QSOX2: variants seen among roughly 807,000 people sequenced by gnomAD.
The protein encoded by QSOX2 is sulfhydryl oxidase 2.
QSOX2 carries 46 observed loss-of-function variants against 61.7 expected under a neutral mutation model. The observed-to-expected ratio is 0.75, with a 90% CI of 0.59 to 0.95. The LOEUF is 0.95. Ranked by LOEUF, QSOX2 falls within the 40% of genes least tolerant of loss-of-function variation. The probability of loss-of-function intolerance (pLI) is 0.00; values close to 1 mark genes in which losing one functional copy is unlikely to be tolerated. For missense variants in QSOX2, 879 were observed against 918.9 expected (o/e 0.96, Z 0.56); for synonymous variants, 383 against 388.4 (o/e 0.99, Z 0.16).
intron 6 of QSOX2, among the ~76,000 whole-genome samples, chr9:136,220,581 G>A (rs1831968516): frequency 6.6e-6 from 1 of 152,166 alleles, no homozygotes; most frequent in Admixed American, 6.5e-5. Context: ...CCAGGGGAAG[G>A]GGCCACCCAG....
intron 10 of QSOX2, among the ~76,000 whole-genome samples, chr9:136,214,000 A>G (rs1336140791): frequency 6.6e-6 from 1 of 152,228 alleles, no homozygotes; most frequent in African/African-American, 2.4e-5. Context: ...CCAGCATTTT[A>G]GGTTAGTTTG....
chr9:136,225,298 C>T (rs1830268933), intron 2 of QSOX2, among the ~76,000 whole-genome samples: 1 of 152,188 alleles, frequency 6.6e-6, no homozygotes, highest in Non-Finnish European at 1.5e-5. Flanking sequence ...GAGGAGACAC[C>T]ACGCAGTATC....
In QSOX2 at chr9:136,219,073, T is replaced by G; in HGVS notation, c.913A>C (p.Lys305Gln). 1 of 1,614,116 alleles carries G rather than the reference T, an allele frequency of 6.2e-7. No individual in the cohort carries two copies. The highest frequency in any genetic ancestry group is 1.1e-5 in the South Asian group (1 of 91,082). Residue 305 changes from lysine (K) to glutamine (Q), a missense_variant, in exon 7 of 12, where the codon AAA becomes CAA. Physicochemically the swap from Lys to Gln is moderately conservative, Grantham distance 53. Coordinates refer to ENST00000358701, the MANE Select transcript of QSOX2 (RefSeq NM_181701.4). ...ACCACGATTTCTGAATTTTCTTCTT[T>G]GTGTGGCTTTTCAGGCAAGGGAAGC... Reference protein sequence around the residue: ...KSLPLPEKPHKEENSEIVVWR... With the variant: ...KSLPLPEKPHQEENSEIVVWR...
Position 136,208,899 on chromosome 9 carries a change from G to T in QSOX2, c.1926C>A (p.His642Gln). The T allele has an allele frequency of 6.2e-7, 1 of 1,613,986 alleles. No homozygotes were observed. Among genetic ancestry groups the T allele is most frequent in the Non-Finnish European group, 8.5e-7 (1 of 1,180,026 alleles). Reference protein sequence around the residue: ...KLQSLDGPGAHKEVGGAAPFL... With the variant: ...KLQSLDGPGAQKEVGGAAPFL... The stretch of plus-strand genomic sequence containing the variant: ...AGGGTGCGGCCCCGCCCACCTCCTT[G>T]TGGGCCCCGGGCCCATCCAGACTCT... The change falls in exon 12 of 12, where the codon CAC becomes CAA. Residue 642 changes from histidine (H) to glutamine (Q), a missense_variant. By Grantham distance (24) the His-to-Gln change is conservative. Coordinates refer to ENST00000358701, the MANE Select transcript of QSOX2 (RefSeq NM_181701.4).
chr9:136,209,333 C>A lies in QSOX2; in HGVS notation c.1550-58G>T. 1.3e-6 allele frequency: 2 copies of A among 1,564,488 alleles called. No individual in the cohort carries two copies. Among genetic ancestry groups the A allele is most frequent in the Non-Finnish European group, 8.7e-7 (1 of 1,153,118 alleles). ...GAAGGAGGCTTTGTGCAGCCACGTG[C>A]AGCGTGCGGCAACCGGACTCCCACT... On this transcript the variant is annotated intron_variant, in intron 11 of 11. Transcript: ENST00000358701. The surrounding 1 kb of genome is among the most constrained non-coding windows in gnomAD (Gnocchi z 5.6).
chr9:136,208,573 TA>T lies in QSOX2; in HGVS notation c.*154del. The T allele has an allele frequency of 1.2e-6, 1 of 840,142 alleles. No individual in the cohort carries two copies. Among genetic ancestry groups the T allele is most frequent in the Non-Finnish European group, 1.8e-6 (1 of 570,098 alleles). 52.0% of individuals were successfully genotyped at this position (840,142 alleles called of 1,614,324 possible). On this transcript the variant is annotated 3_prime_UTR_variant, in exon 12 of 12. Transcript: ENST00000358701. ...TCTTCCCTTGTTAGAAGAGCGTTTG[TA>T]AAACCAGGACTTTGAAGCCAAAAGG... is the stretch of plus-strand genomic sequence containing the variant.
At position 136,208,868 on chromosome 9, in the gene QSOX2, C is replaced by T. The variant is rs761441281; in HGVS notation, c.1957G>A (p.Gly653Arg). Residue 653 changes from glycine to arginine, a missense_variant, in exon 12 of 12, where the codon GGG (glycine) becomes AGG (arginine). Physicochemically the swap from Gly to Arg is moderately radical, Grantham distance 125 (BLOSUM62 -2). Coordinates refer to ENST00000358701, the MANE Select transcript of QSOX2 (RefSeq NM_181701.4). ...ATGTCCAGGCTGGAGAAGTCAACCC[C>T]GAGGAAGGGTGCGGCCCCGCCCACC... is the stretch of plus-strand genomic sequence containing the variant. ...KEVGGAAPFL[G>R]VDFSSLDMSL... The T allele has an allele frequency of 6.6e-5, 106 of 1,613,890 alleles. No individual in the cohort carries two copies. Among genetic ancestry groups the T allele is most frequent in the Admixed American group, 3.7e-4 (22 of 59,998 alleles).
At chr9:136,230,374 C>T (rs1830319304) in intron 1 of QSOX2, among the ~76,000 whole-genome samples, 1 of 152,204 alleles carries the variant, frequency 6.6e-6, no homozygotes, top group Admixed American at 6.5e-5. Context: ...GCTGTCAGCC[C>T]TGCAGTAAAC....
chr9:136,219,541 C>A (rs1045085782), intron 6 of QSOX2, among the ~76,000 whole-genome samples: 13 of 152,340 alleles, frequency 8.5e-5, no homozygotes, highest in African/African-American at 2.6e-4. Context: ...AATCTGCCAG[C>A]CCTGAGTGAG....
At chr9:136,215,367 G>C in intron 9 of QSOX2, 63 bp from the exon 10 acceptor site, 2 of 1,299,982 alleles carry the variant, frequency 1.5e-6, no homozygotes, top group East Asian at 4.4e-5. Context: ...ATTAAAAACA[G>C]TCGACAGCTG....
At chr9:136,233,459 C>A (rs946564898) in intron 1 of QSOX2, among the ~76,000 whole-genome samples, 1 of 152,208 alleles carries the variant, frequency 6.6e-6, no homozygotes, top group African/African-American at 2.4e-5. Flanking sequence ...TCAGGACGGC[C>A]AACACGGTGG....
At chr9:136,210,468 G>A (rs1263989586) in intron 11 of QSOX2, 1 of 985,408 alleles carries the variant, frequency 1.0e-6, no homozygotes, top group East Asian at 1.1e-4. Flanking sequence ...AGAGCCGAGG[G>A]CTCGGGGAAA....
rs1687627255 is a variant in QSOX2, at chr9:136,206,755, AC to A, written c.*1972del. 6.6e-6 allele frequency: 1 copy of A among 152,230 alleles called. No individual in the cohort carries two copies. The highest frequency in any genetic ancestry group is 2.4e-5 in the African/African-American group (1 of 41,392). The allele number at this position is 152,230 out of a possible 1,614,324, so 9.4% of individuals were successfully genotyped here. On this transcript the variant is annotated 3_prime_UTR_variant, in exon 12 of 12. Coordinates refer to ENST00000358701, the MANE Select transcript of QSOX2 (RefSeq NM_181701.4). ...TGACCTCAAACTGCAATATGATGAA[AC>A]CTGCAGCCAACACTGCCCTCCACAA...
In QSOX2 at chr9:136,208,748, G is replaced by A. The variant is rs1047262948; in HGVS notation, c.2077C>T (p.His693Tyr). The change falls in exon 12 of 12, where the codon CAC becomes TAC. Residue 693 changes from histidine (H) to tyrosine (Y), a missense_variant. Transcript: ENST00000358701. Reference sequence around the variant, plus strand: ...GGCACTCACACGGCCGGGTGGTGGTGCTTGACCTTCCACCGCCTGGACCTC... The same window carrying A: ...GGCACTCACACGGCCGGGTGGTGGTACTTGACCTTCCACCGCCTGGACCTC... Reference protein sequence around the residue: ...RVRSRRWKVKHHHPAV With the variant: ...RVRSRRWKVKYHHPAV The A allele has an allele frequency of 6.2e-7, 1 of 1,611,444 alleles. No homozygotes were observed. Among genetic ancestry groups the A allele is most frequent in the African/African-American group, 1.3e-5 (1 of 74,904 alleles).
chr9:136,234,418 C>T (rs1013612231), intron 1 of QSOX2, among the ~76,000 whole-genome samples: 9 of 152,180 alleles, frequency 5.9e-5, no homozygotes, highest in Non-Finnish European at 7.4e-5. Context: ...AACGGGAGTG[C>T]TGCCCTTCTA....
At chr9:136,213,614 G>C (rs1831875183) in intron 10 of QSOX2, among the ~76,000 whole-genome samples, 2 of 150,670 alleles carry the variant, frequency 1.3e-5, no homozygotes, top group Admixed American at 6.6e-5. Flanking sequence ...ACCTTGAGGA[G>C]GGCCAAAACA....
At chr9:136,213,572 A>G (rs1038736319) in intron 10 of QSOX2, among the ~76,000 whole-genome samples, 1 of 149,584 alleles carries the variant, frequency 6.7e-6, no homozygotes, top group African/African-American at 2.5e-5. Flanking sequence ...CTCTCCCCCA[A>G]CCAGACCCCC....
chr9:136,219,186 A>C, intron 6 of QSOX2, 22 bp from the exon 7 acceptor site: 1 of 1,605,078 alleles, frequency 6.2e-7, no homozygotes, highest in Non-Finnish European at 8.5e-7. Flanking sequence ...GGGAGGGCAA[A>C]GGTGAGAAGA....
intron 1 of QSOX2, among the ~76,000 whole-genome samples, chr9:136,243,728 C>A (rs911578606): frequency 6.6e-6 from 1 of 152,236 alleles, no homozygotes; most frequent in South Asian, 2.1e-4. Context: ...GCCAACAGGA[C>A]CCTCTGCCTG....
Sources: allele counts gnomAD v4.1 joint callset (sites outside exome capture counted in the v4.1 genomes callset), GRCh38; gene constraint gnomAD v4.1.1; non-coding constraint Gnocchi (gnomAD v3.1); transcripts MANE v1.5; gene names NCBI Gene and HGNC (gene_info 2026-07-23, HGNC 2026-07-21).